Variants in RASAL2 observed in about 807,000 individuals in gnomAD.
The protein encoded by RASAL2 is ras GTPase-activating protein nGAP.
RASAL2 carries 58 observed loss-of-function variants against 128.9 expected under a neutral mutation model. The observed-to-expected ratio is 0.45, with a 90% CI of 0.36 to 0.56. RASAL2 has a LOEUF of 0.56. Among genes scored for constraint, RASAL2 ranks in the 20% least tolerant of loss-of-function variants. The probability of loss-of-function intolerance (pLI) is 0.00; values close to 1 mark genes in which losing one functional copy is unlikely to be tolerated. For missense variants in RASAL2, 1,360 were observed against 1,601.6 expected (o/e 0.85, Z 2.57); for synonymous variants, 561 against 580.8 (o/e 0.97, Z 0.49).
chr1:178,300,219 A>G, intron 3 of RASAL2, 101 bp downstream of exon 3: 1 of 1,338,832 alleles, frequency 7.5e-7, no homozygotes, highest in Non-Finnish European at 1.0e-6. Flanking sequence ...CTGTTAAGTA[A>G]GTGCTTTGAA....
intron 3 of RASAL2, among the ~76,000 whole-genome samples, chr1:178,338,884 A>T (rs960923077): frequency 3.9e-5 from 6 of 152,244 alleles, no homozygotes; most frequent in African/African-American, 1.4e-4. Flanking sequence ...TTGAAAATTC[A>T]GTATATTGTT....
chr1:178,336,122 G>A (rs909185528), intron 3 of RASAL2, among the ~76,000 whole-genome samples: 3 of 151,226 alleles, frequency 2.0e-5, no homozygotes, highest in East Asian at 1.9e-4. Context: ...AATTTACTTC[G>A]TAGGTTTTTA....
chr1:178,103,395 T>C (rs1397471465), intron 1 of RASAL2, among the ~76,000 whole-genome samples: 3 of 152,098 alleles, frequency 2.0e-5, no homozygotes, highest in Non-Finnish European at 4.4e-5. Context: ...GTAAGAAAAA[T>C]ACATAGAATT....
intron 1 of RASAL2, among the ~76,000 whole-genome samples, chr1:178,250,440 T>A (rs145287386): frequency 5.3e-5 from 8 of 152,340 alleles, no homozygotes; most frequent in African/African-American, 1.9e-4. Flanking sequence ...AGCTTGATCA[T>A]CCCAGGTCGA....
intron 4 of RASAL2, among the ~76,000 whole-genome samples, chr1:178,391,007 G>C (rs1304628996): frequency 6.6e-6 from 1 of 152,138 alleles, no homozygotes; most frequent in African/African-American, 2.4e-5. Context: ...CTAAGACTTG[G>C]TCTGCACTTT....
intron 3 of RASAL2, among the ~76,000 whole-genome samples, chr1:178,321,281 AC>A (rs1432099914): frequency 1.3e-5 from 2 of 151,862 alleles, no homozygotes; most frequent in Non-Finnish European, 2.9e-5. Context: ...ACAGGGTTTC[AC>A]CCCATGTTGG....
intron 3 of RASAL2, among the ~76,000 whole-genome samples, chr1:178,340,168 A>G (rs1669791646): frequency 1.3e-5 from 2 of 152,202 alleles, no homozygotes; most frequent in African/African-American, 4.8e-5. Context: ...TATATAATAC[A>G]TATATACATA....
intron 1 of RASAL2, among the ~76,000 whole-genome samples, chr1:178,112,049 T>C (rs1471461271): frequency 6.6e-6 from 1 of 152,220 alleles, no homozygotes; most frequent in Non-Finnish European, 1.5e-5. Context: ...ATTTTAAAAT[T>C]GATTTTTTCT....
rs114180600 is a variant in RASAL2 at position 178,471,531 on chromosome 1, T to A, written c.3679-1544T>A. 7.8e-3 allele frequency among the ~76,000 whole-genome samples: 1,185 copies of A among 152,314 alleles called. 18 individuals carry two copies. The highest frequency in any genetic ancestry group is 0.027 in the African/African-American group (1,114 of 41,572). On this transcript the variant is annotated intron_variant, in intron 17 of 17. Transcript: ENST00000367649. Reference sequence around the variant, plus strand: ...TGGGTCATTAATAGTGCTGATTTTGTATATCTTACCACATGAGTTCTCCAT... The same window carrying A: ...TGGGTCATTAATAGTGCTGATTTTGAATATCTTACCACATGAGTTCTCCAT...
chr1:178,175,010 A>G (rs909915144), intron 1 of RASAL2, among the ~76,000 whole-genome samples: 4 of 152,200 alleles, frequency 2.6e-5, no homozygotes, highest in African/African-American at 4.8e-5. Flanking sequence ...CATATAGTAC[A>G]TGGCAGATTA....
At chr1:178,141,734 C>A (rs1660541560) in intron 1 of RASAL2, among the ~76,000 whole-genome samples, 1 of 152,086 alleles carries the variant, frequency 6.6e-6, no homozygotes, top group Non-Finnish European at 1.5e-5. Flanking sequence ...CGCGGTAGAT[C>A]TTAGTCATGG....
At chr1:178,391,866 G>T (rs1253591837) in intron 4 of RASAL2, among the ~76,000 whole-genome samples, 1 of 152,138 alleles carries the variant, frequency 6.6e-6, no homozygotes, top group African/African-American at 2.4e-5. Context: ...GTGGTTCCAG[G>T]ATTCAGATGT....
At chr1:178,174,565 T>C (rs1030102315) in intron 1 of RASAL2, among the ~76,000 whole-genome samples, 52 of 152,248 alleles carry the variant, frequency 3.4e-4, no homozygotes, top group African/African-American at 1.2e-3. Context: ...GGTTGGCACC[T>C]GATAAAATGA....
intron 1 of RASAL2, among the ~76,000 whole-genome samples, chr1:178,207,872 G>T (rs1663112095): frequency 6.6e-6 from 1 of 152,042 alleles, no homozygotes; most frequent in Admixed American, 6.6e-5. Flanking sequence ...CCCCCATATA[G>T]CTGTAGCACA....
chr1:178,349,392 C>T (rs1282524029), intron 3 of RASAL2, among the ~76,000 whole-genome samples: 1 of 151,972 alleles, frequency 6.6e-6, no homozygotes, highest in East Asian at 1.9e-4. Context: ...CCACTGCACT[C>T]CAGCCTGGCG....
At chr1:178,290,007 A>G (rs905456453) in intron 2 of RASAL2, among the ~76,000 whole-genome samples, 2 of 152,080 alleles carry the variant, frequency 1.3e-5, no homozygotes, top group Non-Finnish European at 2.9e-5. Context: ...TTAAATCACT[A>G]CTGCTCCCCA....
intron 4 of RASAL2, among the ~76,000 whole-genome samples, chr1:178,415,386 T>C (rs1674688644): frequency 6.6e-6 from 1 of 152,128 alleles, no homozygotes; most frequent in Admixed American, 6.5e-5. Flanking sequence ...TCTAGTCATC[T>C]TTCTATTACT....
At chr1:178,396,580 A>G (rs999001029) in intron 4 of RASAL2, among the ~76,000 whole-genome samples, 3 of 152,136 alleles carry the variant, frequency 2.0e-5, no homozygotes, top group Non-Finnish European at 2.9e-5. Flanking sequence ...TGGTCTTCTC[A>G]GCTGTACTTA....
At position 178,381,048 on chromosome 1, in the gene RASAL2, G is replaced by A. The variant is rs184023022; in HGVS notation, c.458-9052G>A. Among the ~76,000 whole-genome samples the A allele has an allele frequency of 1.5e-4, 23 of 152,290 alleles. No individual in the cohort carries two copies. The South Asian group carries it at 3.5e-3, about 23-fold the overall frequency. On this transcript the variant is annotated intron_variant, in intron 3 of 17. Coordinates refer to ENST00000367649, the MANE Select transcript of RASAL2 (RefSeq NM_170692.4). ...GCAGATATGTAGGTGAAAAAAGCAG[G>A]CATGTGAGAATGAATGTGGCCAGTT...
Sources: gnomAD v4.1 joint callset for allele counts (sites outside exome capture counted in the v4.1 genomes callset) on GRCh38, gnomAD v4.1.1 for gene constraint, MANE v1.5 for transcripts, NCBI Gene and HGNC (gene_info 2026-07-23, HGNC 2026-07-21) for gene names.